The following SNX5 variants were observed in gnomAD, a reference collection of about 807,000 sequenced individuals.
SNX5 encodes sorting nexin-5.
Under a neutral mutation model 53.9 loss-of-function variants are expected in SNX5, and 31 were observed. The ratio of observed to expected loss-of-function variants is 0.58; its 90% CI spans 0.43 to 0.78. The LOEUF is 0.78. SNX5 is among the 30% of genes least tolerant of loss of function. The probability of loss-of-function intolerance (pLI) is 0.00; values close to 1 mark genes in which losing one functional copy is unlikely to be tolerated. For missense variants in SNX5, 471 were observed against 478.8 expected, an observed-to-expected ratio of 0.98 and a Z score of 0.15; for synonymous variants, 168 against 171.1, an observed-to-expected ratio of 0.98 and a Z score of 0.14.
intron 11 of SNX5, chr20:17,945,623 A>G (rs1006905285): frequency 6.6e-6 from 1 of 152,104 alleles, no homozygotes; most frequent in Non-Finnish European, 1.5e-5. Context: ...TAGTTTTAAA[A>G]AAAAAAAAAA....
chr20:17,954,047 T>C lies in SNX5; in HGVS notation c.338A>G (p.Glu113Gly). 1 of 1,614,066 alleles carries C rather than the reference T, an allele frequency of 6.2e-7. No homozygotes were observed. Among genetic ancestry groups the C allele is most frequent in the Non-Finnish European group, 8.5e-7 (1 of 1,179,914 alleles). Reference protein sequence around the residue: ...REKMQKLGEGEGSMTKEEFAK... With the variant: ...REKMQKLGEGGGSMTKEEFAK... ...AAATTCTTCTTTGGTCATAGACCCT[T>C]CACCTTCTCCCAGTTTCTGCATCTT... Residue 113 changes from glutamate (E) to glycine (G), a missense_variant, in exon 4 of 13, where the codon GAA (glutamate) becomes GGA (glycine). Coordinates refer to ENST00000377759, the MANE Select transcript of SNX5 (RefSeq NM_014426.4).
At chr20:17,964,731 G>T (rs2035510655) in intron 1 of SNX5, among the ~76,000 whole-genome samples, 1 of 152,138 alleles carries the variant, frequency 6.6e-6, no homozygotes, top group Admixed American at 6.5e-5. Flanking sequence ...AAGACATTCA[G>T]GGTACTAACC....
intron 11 of SNX5, chr20:17,945,478 T>C (rs1178443584): frequency 6.6e-6 from 1 of 152,226 alleles, no homozygotes; most frequent in Non-Finnish European, 1.5e-5. Context: ...GCAGTAAAGG[T>C]AGACCTGAAT....
At chr20:17,951,158 T>G (rs571063135) in intron 6 of SNX5, 129 of 191,610 alleles carry the variant, frequency 6.7e-4, no homozygotes, top group Middle Eastern at 2.1e-3. Flanking sequence ...CTCTATCACC[T>G]GTAGTTGGTG....
chr20:17,956,013 A>G (rs6136234), intron 2 of SNX5, among the ~76,000 whole-genome samples: 41,476 of 152,078 alleles, frequency 0.27, 5,996 homozygotes, highest in East Asian at 0.44. Context: ...CCAGGCTCAA[A>G]CGATCTGCCC....
chr20:17,957,478 T>C (rs927911898), intron 1 of SNX5, among the ~76,000 whole-genome samples: 34 of 149,998 alleles, frequency 2.3e-4, no homozygotes, highest in African/African-American at 7.9e-4. Flanking sequence ...GAAAAAGAAA[T>C]GTCAGTTGAG....
At chr20:17,942,714 A>AGT (rs1349208032) in intron 12 of SNX5, 5 of 420,344 alleles carry the variant, frequency 1.2e-5, no homozygotes, top group Non-Finnish European at 2.1e-5. Flanking sequence ...AGACACTATC[A>AGT]GTGCGTTGTT....
At chr20:17,943,426 G>GT (rs1332474129) in intron 11 of SNX5, 7 of 483,742 alleles carry the variant, frequency 1.4e-5, no homozygotes, top group South Asian at 6.7e-5. Flanking sequence ...ACCAAGCATC[G>GT]TGAGTGGGAG....
chr20:17,966,346 T>C (rs966988500), intron 1 of SNX5, among the ~76,000 whole-genome samples: 2 of 151,110 alleles, frequency 1.3e-5, no homozygotes, highest in African/African-American at 4.9e-5. Context: ...GATCGAGCCA[T>C]TGCGCTCCAG....
At chr20:17,960,286 C>T (rs2035425736) in intron 1 of SNX5, among the ~76,000 whole-genome samples, 1 of 151,992 alleles carries the variant, frequency 6.6e-6, no homozygotes, top group Admixed American at 6.6e-5. Context: ...CATGGTGAAA[C>T]CCCGTCTCTA....
rs758729049 is a variant in SNX5 at position 17,957,296 on chromosome 20, G to A, written c.52-259C>T. ...TAAAAATACAAAAAATTAGCTAAGC[G>A]TGGTGGCGGGCACCTGTAGTCCCAG... On this transcript the variant is annotated intron_variant, in intron 1 of 12. Coordinates refer to ENST00000377759, the MANE Select transcript of SNX5 (RefSeq NM_014426.4). Among the ~76,000 whole-genome samples, 32 of 152,008 alleles carry A rather than the reference G, an allele frequency of 2.1e-4. No individual in the cohort carries two copies. In the South Asian group the frequency reaches 2.7e-3, roughly 13 times the overall value.
chr20:17,950,504 G>A (rs563944539), intron 6 of SNX5, 108 bp from the exon 7 acceptor site: 95 of 652,878 alleles, frequency 1.5e-4, no homozygotes, highest in Non-Finnish European at 2.1e-4. Flanking sequence ...GCATATAAAC[G>A]TGAGTAAAGT....
At chr20:17,942,793 C>T (rs924087943) in intron 12 of SNX5, 9 of 369,908 alleles carry the variant, frequency 2.4e-5, no homozygotes, top group African/African-American at 1.5e-4. Flanking sequence ...AGCTTTAGCT[C>T]ACACCTGTAA....
In SNX5 at chr20:17,950,119, CAAA is replaced by C; in HGVS notation, c.791+10_791+12del. ...AATTGGGTTAGGGGAAATGCTTTTC[CAAA>C]AAAACTTACTTTTTGATGACTGTGG... On this transcript the variant is annotated intron_variant, in intron 8 of 12. Coordinates refer to ENST00000377759, the MANE Select transcript of SNX5 (RefSeq NM_014426.4). 1 of 1,613,344 alleles carries C rather than the reference CAAA, an allele frequency of 6.2e-7. No homozygotes were observed. The highest frequency in any genetic ancestry group is 8.5e-7 in the Non-Finnish European group (1 of 1,179,436).
At chr20:17,960,763 C>T (rs1278151761) in intron 1 of SNX5, among the ~76,000 whole-genome samples, 1 of 136,386 alleles carries the variant, frequency 7.3e-6, no homozygotes, top group East Asian at 2.1e-4. Context: ...GGCAACAGAG[C>T]GAGTCTCCAA....
chr20:17,952,222 C>T (rs996900440), intron 5 of SNX5, among the ~76,000 whole-genome samples: 1 of 150,968 alleles, frequency 6.6e-6, no homozygotes, highest in African/African-American at 2.4e-5. Context: ...GATTCTGCCT[C>T]AAAAAAGAAA....
chr20:17,953,774 G>C (rs761733222), intron 4 of SNX5, among the ~76,000 whole-genome samples: 21 of 152,130 alleles, frequency 1.4e-4, no homozygotes, highest in Non-Finnish European at 2.8e-4. Flanking sequence ...CTACTCTATC[G>C]GGTATTAGTG....
chr20:17,951,614 A>G lies in SNX5; in HGVS notation c.514-19T>C, dbSNP rs1010603928. The G allele has an allele frequency of 2.6e-6, 4 of 1,532,096 alleles. No individual in the cohort carries two copies. The highest frequency in any genetic ancestry group is 3.4e-5 in the Admixed American group (2 of 59,608). 94.9% of individuals were successfully genotyped at this position (1,532,096 alleles called of 1,614,324 possible). A position where few individuals can be genotyped will look rare whatever the true frequency, so the allele number is the denominator to read the frequency against. On this transcript the variant is annotated intron_variant, in intron 5 of 12. Coordinates refer to ENST00000377759, the MANE Select transcript of SNX5 (RefSeq NM_014426.4). ...CACTTAGCTAAAAGAAGAAAATTCC[A>G]AAGAGTTTATATGGTATGGATTTTT...
At chr20:17,964,639 A>G (rs1016073517) in intron 1 of SNX5, among the ~76,000 whole-genome samples, 30 of 152,342 alleles carry the variant, frequency 2.0e-4, no homozygotes, top group African/African-American at 7.2e-4. Context: ...GCCGTTTCTC[A>G]CTATTGGGAT....
Sources: gnomAD v4.1 joint callset for allele counts (sites outside exome capture counted in the v4.1 genomes callset) on GRCh38, gnomAD v4.1.1 for gene constraint, MANE v1.5 for transcripts, NCBI Gene and HGNC (gene_info 2026-07-23, HGNC 2026-07-21) for gene names.